ASCC3: variants seen among roughly 807,000 people sequenced by gnomAD.
ASCC3 encodes the protein activating signal cointegrator 1 complex subunit 3, also known as ASC-1 complex subunit P200.
ASCC3 carries 158 observed loss-of-function variants against 256.3 expected under a neutral mutation model. That is an observed-to-expected ratio of 0.62 (90% CI 0.54 to 0.70). ASCC3 has a LOEUF of 0.70. Among genes scored for constraint, ASCC3 ranks in the 30% least tolerant of loss-of-function variants. The pLI, the probability that ASCC3 is intolerant of heterozygous loss-of-function variation, is 0.00. For synonymous variants in ASCC3, 948 were observed against 883.4 expected (o/e 1.07, Z -1.30); for missense variants, 2,259 against 2,626.0 (o/e 0.86, Z 3.05).
chr6:100,525,932 A>C (rs1325238351), intron 37 of ASCC3, among the ~76,000 whole-genome samples: 1 of 152,158 alleles, frequency 6.6e-6, no homozygotes, highest in African/African-American at 2.4e-5. Flanking sequence ...GAAGTTTTAC[A>C]ATGATGGGAA....
chr6:100,637,897 T>C (rs1220608883), intron 25 of ASCC3, among the ~76,000 whole-genome samples: 2 of 152,196 alleles, frequency 1.3e-5, no homozygotes, highest in African/African-American at 2.4e-5. Flanking sequence ...TTTCTTGCGA[T>C]AGAATCTACT....
chr6:100,813,761 C>T (rs753546616), intron 4 of ASCC3, among the ~76,000 whole-genome samples: 4 of 151,672 alleles, frequency 2.6e-5, no homozygotes, highest in Non-Finnish European at 4.4e-5. Context: ...GGTGCAATAT[C>T]ACACTTTCAA....
chr6:100,687,075 A>G (rs1777610574), intron 13 of ASCC3, among the ~76,000 whole-genome samples: 2 of 91,520 alleles, frequency 2.2e-5, no homozygotes, highest in African/African-American at 3.6e-5. Context: ...CACAGACCTG[A>G]TCTCACACAT....
intron 14 of ASCC3, 91 bp downstream of exon 14, chr6:100,679,527 T>G: frequency 1.3e-6 from 2 of 1,575,702 alleles, no homozygotes; most frequent in South Asian, 2.3e-5. Context: ...ATTAACTTCT[T>G]GGAAATTGAG....
intron 14 of ASCC3, among the ~76,000 whole-genome samples, chr6:100,678,198 C>A (rs1777124509): frequency 1.3e-5 from 2 of 152,038 alleles, no homozygotes. Context: ...CAATAGTTAT[C>A]TGAATTGAGA....
At chr6:100,724,059 G>A (rs926448255) in intron 11 of ASCC3, among the ~76,000 whole-genome samples, 3 of 147,676 alleles carry the variant, frequency 2.0e-5, no homozygotes, top group African/African-American at 4.9e-5. Context: ...GGCAAGTGAC[G>A]GAGTCTTAGA....
At chr6:100,848,835 G>C in intron 3 of ASCC3, 128 bp from the exon 4 acceptor site, 1 of 892,154 alleles carries the variant, frequency 1.1e-6, no homozygotes, top group Non-Finnish European at 1.8e-6. Flanking sequence ...TAGACCAGGT[G>C]TAATGGCTCC....
chr6:100,669,100 G>T (rs1472594586), intron 14 of ASCC3, among the ~76,000 whole-genome samples: 3 of 150,794 alleles, frequency 2.0e-5, no homozygotes, highest in Admixed American at 6.6e-5. Flanking sequence ...TAAAATAAAA[G>T]AATTTGGAAA....
chr6:100,544,318 T>G (rs1009556305), intron 36 of ASCC3, among the ~76,000 whole-genome samples: 38 of 151,866 alleles, frequency 2.5e-4, no homozygotes, highest in African/African-American at 9.2e-4. Context: ...GGATGAAAAT[T>G]AAAGTGAACA....
chr6:100,819,760 C>G (rs1327421694), intron 4 of ASCC3, among the ~76,000 whole-genome samples: 1 of 152,130 alleles, frequency 6.6e-6, no homozygotes, highest in Non-Finnish European at 1.5e-5. Context: ...AGATTGCACC[C>G]ACCCCGACTG....
chr6:100,691,134 C>G (rs995078736), intron 13 of ASCC3, among the ~76,000 whole-genome samples: 15 of 151,884 alleles, frequency 9.9e-5, no homozygotes, highest in Admixed American at 1.3e-4. Flanking sequence ...TGTACCATGA[C>G]AGCAAAAATA....
At chr6:100,755,925 T>C (rs11155638) in intron 10 of ASCC3, among the ~76,000 whole-genome samples, 23 of 151,762 alleles carry the variant, frequency 1.5e-4, no homozygotes, top group Non-Finnish European at 2.9e-4. Context: ...CAAACCTTTT[T>C]TGTAAAAAAA....
intron 8 of ASCC3, among the ~76,000 whole-genome samples, chr6:100,783,415 A>T (rs1404242619): frequency 2.6e-5 from 4 of 152,172 alleles, no homozygotes; most frequent in Non-Finnish European, 4.4e-5. Flanking sequence ...CAGATCTGTT[A>T]TTAACTGCAA....
At chr6:100,837,205 C>A (rs1403533513) in intron 4 of ASCC3, among the ~76,000 whole-genome samples, 1 of 151,786 alleles carries the variant, frequency 6.6e-6, no homozygotes, top group Admixed American at 6.6e-5. Flanking sequence ...ATTGCTGTTA[C>A]CAAAAAGACA....
chr6:100,870,015 C>T (rs556384443), intron 1 of ASCC3, among the ~76,000 whole-genome samples: 2 of 152,066 alleles, frequency 1.3e-5, no homozygotes, highest in African/African-American at 2.4e-5. Context: ...AACAAACAGA[C>T]CTCAAGGAGA....
At position 100,798,180 on chromosome 6, in the gene ASCC3, T is replaced by A. The variant is rs572230050; in HGVS notation, c.1395+533A>T. Reference sequence around the variant, plus strand: ...ATAATATGAATACTTTAACCTAAACTAAGGAATATTATATTTTGAAATAGA... The same window carrying A: ...ATAATATGAATACTTTAACCTAAACAAAGGAATATTATATTTTGAAATAGA... On this transcript the variant is annotated intron_variant, in intron 8 of 41. Transcript: ENST00000369162. Among the ~76,000 whole-genome samples the A allele has an allele frequency of 1.4e-4, 22 of 152,202 alleles. No homozygotes were observed. The South Asian group carries it at 4.4e-3, about 30-fold the overall frequency.
At chr6:100,640,838 C>T (rs946302662) in intron 24 of ASCC3, among the ~76,000 whole-genome samples, 7 of 152,122 alleles carry the variant, frequency 4.6e-5, no homozygotes, top group African/African-American at 1.7e-4. Flanking sequence ...ATAGGGTACA[C>T]ATTTGACAAA....
intron 13 of ASCC3, among the ~76,000 whole-genome samples, chr6:100,714,065 C>T (rs901000170): frequency 5.9e-5 from 9 of 152,116 alleles, no homozygotes; most frequent in African/African-American, 2.2e-4. Flanking sequence ...TAAATTATAG[C>T]CAGCAAGCCG....
chr6:100,596,997 C>CA (rs1772335045), intron 34 of ASCC3, among the ~76,000 whole-genome samples: 1 of 152,302 alleles, frequency 6.6e-6, no homozygotes, highest in African/African-American at 2.4e-5. Context: ...ATACACCAGG[C>CA]ATGCCAGCCT....
Sources: allele counts gnomAD v4.1 joint callset (sites outside exome capture counted in the v4.1 genomes callset), GRCh38; gene constraint gnomAD v4.1.1; transcripts MANE v1.5; gene names NCBI Gene and HGNC (gene_info 2026-07-23, HGNC 2026-07-21).